The following VLDLR variants were observed in gnomAD, a reference collection of about 807,000 sequenced individuals.
VLDLR encodes very low density lipoprotein receptor, also known as very low-density lipoprotein receptor.
Under a neutral mutation model 112.7 loss-of-function variants are expected in VLDLR, and 81 were observed. The ratio of observed to expected loss-of-function variants is 0.72; its 90% CI spans 0.60 to 0.86. The LOEUF is 0.86. Ranked by LOEUF, VLDLR falls within the 40% of genes least tolerant of loss-of-function variation. The probability of loss-of-function intolerance (pLI) is 0.00; values close to 1 mark genes in which losing one functional copy is unlikely to be tolerated. For missense variants in VLDLR, 1,237 were observed against 1,099.4 expected (o/e 1.13, Z -1.77); for synonymous variants, 436 against 384.8 (o/e 1.13, Z -1.56).
chr9:2,643,642 CGA>C lies in VLDLR; in HGVS notation c.836_837del (p.Arg279ProfsTer2). The C allele has an allele frequency of 6.2e-7, 1 of 1,614,150 alleles. No individual in the cohort carries two copies. The highest frequency in any genetic ancestry group is 8.5e-7 in the Non-Finnish European group (1 of 1,180,046). On this transcript the variant is annotated frameshift_variant, in exon 6 of 19. Transcript: ENST00000382100. LOFTEE classifies it high-confidence loss of function. ...TCCCTTTGTAGCCTCTCGAACTTGC[CGA>C]CCTGACCAATTTGAATGTGAGGATG... is the stretch of plus-strand genomic sequence containing the variant. The part of the protein sequence containing the change: ...DEVNCPSRTC[R>X]PDQFECEDGS...
In VLDLR at chr9:2,656,942, C is replaced by CAAAAAAAA. The variant is rs35624077; in HGVS notation, c.*3095_*3102dup. 1 of 67,130 alleles carries CAAAAAAAA rather than the reference C, an allele frequency of 1.5e-5. No homozygotes were observed. The highest frequency in any genetic ancestry group is 2.9e-5 in the Non-Finnish European group (1 of 34,736). 4.2% of individuals were successfully genotyped at this position (67,130 alleles called of 1,614,324 possible). On this transcript the variant is annotated 3_prime_UTR_variant, in exon 19 of 19. Coordinates refer to ENST00000382100, the MANE Select transcript of VLDLR (RefSeq NM_003383.5). ...TCTTTAGTTCTTGATGAATACAAGG[C>CAAAAAAAA]AAAAAAAAAAAAAAAAAAAAAAAAA... is the stretch of plus-strand genomic sequence containing the variant.
chr9:2,644,032 C>A (rs902880666), intron 7 of VLDLR, 73 bp downstream of exon 7: 10 of 1,606,032 alleles, frequency 6.2e-6, no homozygotes, highest in African/African-American at 1.3e-5. Flanking sequence ...ACTGTGTGGA[C>A]CCCCCGTGAT....
intron 14 of VLDLR, among the ~76,000 whole-genome samples, chr9:2,649,445 G>A (rs576823416): frequency 1.3e-5 from 2 of 152,276 alleles, no homozygotes; most frequent in East Asian, 3.9e-4. Flanking sequence ...AGGCTGGAGT[G>A]CAGTGGCACA....
rs756688059 is a variant in VLDLR at position 2,645,697 on chromosome 9, C to T, written c.1436C>T (p.Ala479Val). The T allele has an allele frequency of 6.2e-7, 1 of 1,614,076 alleles. No homozygotes were observed. The highest frequency in any genetic ancestry group is 8.5e-7 in the Non-Finnish European group (1 of 1,180,050). ...ACTGTGGCTCTCGATGCTGACATTG[C>T]TGCCCAGAAACTATTCTGGGCCGAT... ...RNTVALDADI[A>V]AQKLFWADLS... The change falls in exon 10 of 19, where the codon GCT becomes GTT. Residue 479 changes from alanine (A) to valine (V), a missense_variant. Transcript: ENST00000382100.
chr9:2,628,661 G>T (rs907500456), intron 1 of VLDLR, among the ~76,000 whole-genome samples: 3 of 152,182 alleles, frequency 2.0e-5, no homozygotes, highest in Non-Finnish European at 4.4e-5. Context: ...GAGGGCTTGG[G>T]CATAGCCAGG....
chr9:2,648,864 A>T, intron 14 of VLDLR, 54 bp downstream of exon 14: 1 of 1,610,464 alleles, frequency 6.2e-7, no homozygotes, highest in Non-Finnish European at 8.5e-7. Context: ...GCAGCATGAC[A>T]CAGAACCTGC....
chr9:2,648,452 T>G, intron 13 of VLDLR, 105 bp downstream of exon 13: 1 of 1,573,818 alleles, frequency 6.4e-7, no homozygotes, highest in South Asian at 1.1e-5. Context: ...GAACATGGCT[T>G]GAGAAACTGC....
chr9:2,654,524 G>A lies in VLDLR; in HGVS notation c.*656G>A, dbSNP rs1419167928. On this transcript the variant is annotated 3_prime_UTR_variant, in exon 19 of 19. Coordinates refer to ENST00000382100, the MANE Select transcript of VLDLR (RefSeq NM_003383.5). ...CCTCTAGGATGAACTCCTATCCTGA[G>A]TAGTACCAAGTGTTCTAACTAAATG... is the stretch of plus-strand genomic sequence containing the variant. 3 of 155,466 alleles carry A rather than the reference G, an allele frequency of 1.9e-5. No individual in the cohort carries two copies. Among genetic ancestry groups the A allele is most frequent in the Admixed American group, 1.3e-4 (2 of 15,960 alleles). The allele number at this position is 155,466 out of a possible 1,614,324, so 9.6% of individuals were successfully genotyped here.
At chr9:2,649,369 C>T (rs1176159067) in intron 14 of VLDLR, among the ~76,000 whole-genome samples, 1 of 151,942 alleles carries the variant, frequency 6.6e-6, no homozygotes, top group Non-Finnish European at 1.5e-5. Context: ...TGTATATGCT[C>T]GTGTCCAGCT....
At chr9:2,644,137 A>G (rs1817950910) in intron 7 of VLDLR, among the ~76,000 whole-genome samples, 178 bp downstream of exon 7, 5 of 145,700 alleles carry the variant, frequency 3.4e-5, no homozygotes, top group Admixed American at 3.4e-4. Flanking sequence ...ACTAGTTTAT[A>G]GTTTTTGTTT....
intron 12 of VLDLR, chr9:2,647,839 C>G: frequency 1.7e-6 from 1 of 599,396 alleles, no homozygotes; most frequent in South Asian, 1.9e-5. Context: ...AACGTTGGGT[C>G]TTGGGTGCAC....
chr9:2,630,831 C>T (rs1392037320), intron 1 of VLDLR, among the ~76,000 whole-genome samples: 1 of 152,136 alleles, frequency 6.6e-6, no homozygotes, highest in African/African-American at 2.4e-5. Context: ...ACAAATGGGA[C>T]TTAATTAAAC....
intron 9 of VLDLR, 80 bp downstream of exon 9, chr9:2,645,162 G>A: frequency 2.5e-6 from 4 of 1,599,852 alleles, no homozygotes; most frequent in Admixed American, 1.7e-5. Context: ...GACTACAATA[G>A]TCAAACTAAA....
At position 2,639,887 on chromosome 9, in the gene VLDLR, C is replaced by A. The variant is rs772606236; in HGVS notation, c.231C>A (p.Phe77Leu). 1 of 1,614,112 alleles carries A rather than the reference C, an allele frequency of 6.2e-7. No individual in the cohort carries two copies. Among genetic ancestry groups the A allele is most frequent in the South Asian group, 1.1e-5 (1 of 91,076 alleles). The change falls in exon 3 of 19, where the codon TTC becomes TTA. Residue 77 changes from phenylalanine to leucine, a missense_variant. Physicochemically the swap from Phe to Leu is conservative, Grantham distance 22 (BLOSUM62 0). Coordinates refer to ENST00000382100, the MANE Select transcript of VLDLR (RefSeq NM_003383.5). Reference sequence around the variant, plus strand: ...AGAAGACGTGTGCTGAATCTGACTTCGTGTGCAACAATGGCCAGTGTGTTC... The same window carrying A: ...AGAAGACGTGTGCTGAATCTGACTTAGTGTGCAACAATGGCCAGTGTGTTC... ...CVKKTCAESD[F>L]VCNNGQCVPS...
intron 1 of VLDLR, among the ~76,000 whole-genome samples, chr9:2,632,924 A>G (rs982329206): frequency 6.6e-6 from 1 of 152,206 alleles, no homozygotes; most frequent in Non-Finnish European, 1.5e-5. Flanking sequence ...AGAGTCCTTT[A>G]TAAAGCCAGC....
Position 2,640,000 on chromosome 9 carries a change from G to T in VLDLR, c.325+19G>T. On this transcript the variant is annotated intron_variant, in intron 3 of 18. Transcript: ENST00000382100. Reference sequence around the variant, plus strand: ...CAGTGCCGTGAGTGTAACTTGCTTTGGCCTTGAACTTTGCCAAGTTGTTCG... The same window carrying T: ...CAGTGCCGTGAGTGTAACTTGCTTTTGCCTTGAACTTTGCCAAGTTGTTCG... 1 of 1,614,130 alleles carries T rather than the reference G, an allele frequency of 6.2e-7. No homozygotes were observed. Among genetic ancestry groups the T allele is most frequent in the African/African-American group, 1.3e-5 (1 of 75,032 alleles).
chr9:2,623,056 C>T (rs1816907966), intron 1 of VLDLR, among the ~76,000 whole-genome samples: 3 of 152,356 alleles, frequency 2.0e-5, no homozygotes, highest in Admixed American at 1.3e-4. Context: ...TGCTGACCCT[C>T]CTTCCCGGTG....
rs373633024 is a variant in VLDLR, at chr9:2,653,760, G to C, written c.2587-73G>C. ...TTTGAATGACCAACTCAAAAGCAAG[G>C]TCCATTTTAAAGACTAGAGTTGCCA... is the stretch of plus-strand genomic sequence containing the variant. On this transcript the variant is annotated intron_variant, in intron 18 of 18. Transcript: ENST00000382100. 5.8e-6 allele frequency: 9 copies of C among 1,557,624 alleles called. No homozygotes were observed. In the African/African-American group the frequency reaches 1.2e-4, roughly 21 times the overall value.
Position 2,655,138 on chromosome 9 carries a change from A to C in VLDLR, c.*1270A>C, listed in dbSNP as rs1818549008. ...ATACTGATGTAAACTAAAGCTTAAA[A>C]ACCACCGTTTTACTGTGACTTCATG... On this transcript the variant is annotated 3_prime_UTR_variant, in exon 19 of 19. Transcript: ENST00000382100. 1 of 152,172 alleles carries C rather than the reference A, an allele frequency of 6.6e-6. No individual in the cohort carries two copies. The highest frequency in any genetic ancestry group is 2.1e-4 in the South Asian group (1 of 4,822). 9.4% of individuals were successfully genotyped at this position (152,172 alleles called of 1,614,324 possible). A position where few individuals can be genotyped will look rare whatever the true frequency, so the allele number is the denominator to read the frequency against.
Sources: gnomAD v4.1 joint callset for allele counts (sites outside exome capture counted in the v4.1 genomes callset) on GRCh38, gnomAD v4.1.1 for gene constraint, MANE v1.5 for transcripts, NCBI Gene and HGNC (gene_info 2026-07-23, HGNC 2026-07-21) for gene names.